Variants in OR4N2 observed in about 807,000 individuals in gnomAD.
OR4N2 encodes olfactory receptor 4N2.
For synonymous variants in OR4N2, 141 were observed against 140.4 expected, an observed-to-expected ratio of 1.00 and a Z score of -0.03; for missense variants, 307 against 377.6, an observed-to-expected ratio of 0.81 and a Z score of 1.55.
At chr14:19,819,742 G>A (rs1263797914) in intron 1 of OR4N2, among the ~76,000 whole-genome samples, 1 of 152,260 alleles carries the variant, frequency 6.6e-6, no homozygotes, top group South Asian at 2.1e-4. Context: ...GCAAGGAGTT[G>A]TGATCCTTTG....
intron 1 of OR4N2, among the ~76,000 whole-genome samples, chr14:19,812,227 T>C (rs1879312828): frequency 6.6e-6 from 1 of 152,054 alleles, no homozygotes; most frequent in South Asian, 2.1e-4. Context: ...GGTATAAAAA[T>C]ATTAGAAGTC....
chr14:19,804,004 A>T (rs1879089961), intron 1 of OR4N2, among the ~76,000 whole-genome samples, 160 bp downstream of exon 1: 1 of 152,174 alleles, frequency 6.6e-6, no homozygotes, highest in African/African-American at 2.4e-5. Flanking sequence ...GTAGTCTCTG[A>T]GGGTTTTTAA....
In OR4N2 at chr14:19,829,909, G is replaced by A. The variant is rs1259118888; in HGVS notation, c.*1537G>A. ...CTTCTCTATTCTCACTCTGTTTATT[G>A]CGTTGCTTCCTGTTTTAGTGAGAAA... On this transcript the variant is annotated 3_prime_UTR_variant, in exon 2 of 2. Transcript: ENST00000557677. 1 of 152,194 alleles carries A rather than the reference G, an allele frequency of 6.6e-6. No homozygotes were observed. Among genetic ancestry groups the A allele is most frequent in the Non-Finnish European group, 1.5e-5 (1 of 68,036 alleles). The allele number at this position is 152,194 out of a possible 1,614,324, so 9.4% of individuals were successfully genotyped here. A position where few individuals can be genotyped will look rare whatever the true frequency, so the allele number is the denominator to read the frequency against.
intron 1 of OR4N2, among the ~76,000 whole-genome samples, chr14:19,812,500 T>G (rs549931364): frequency 1.9e-4 from 28 of 148,288 alleles, no homozygotes; most frequent in African/African-American, 2.6e-4. Context: ...GAGATAATTT[T>G]TTTGTTTGTT....
chr14:19,805,474 C>T (rs1352855874), intron 1 of OR4N2, among the ~76,000 whole-genome samples: 3 of 152,144 alleles, frequency 2.0e-5, no homozygotes, highest in Non-Finnish European at 4.4e-5. Context: ...GCAAAATAGA[C>T]CAAGCTAAGG....
intron 1 of OR4N2, among the ~76,000 whole-genome samples, chr14:19,805,208 A>G (rs1411294101): frequency 6.6e-6 from 1 of 151,956 alleles, no homozygotes; most frequent in Non-Finnish European, 1.5e-5. Flanking sequence ...AGGTCATTCA[A>G]GGTTAGATTG....
chr14:19,817,979 T>G lies in OR4N2; in HGVS notation c.-9-9461T>G, dbSNP rs566133823. ...TCATTCAGGAGCAGGTTGTTCAGTT[T>G]CCATGTGTTGTGCGATTTTGAGTGA... On this transcript the variant is annotated intron_variant, in intron 1 of 1. Coordinates refer to ENST00000557677, the MANE Select transcript of OR4N2 (RefSeq NM_001004723.3). Among the ~76,000 whole-genome samples the G allele has an allele frequency of 3.0e-4, 45 of 152,378 alleles. 1 individual carries two copies. The highest frequency in any genetic ancestry group is 1.0e-3 in the African/African-American group (42 of 41,582).
At chr14:19,821,845 A>T (rs1226065578) in intron 1 of OR4N2, 7 of 152,262 alleles carry the variant, frequency 4.6e-5, no homozygotes, top group Non-Finnish European at 7.3e-5. Context: ...AACTTTCTCC[A>T]TTACAATAGA....
At chr14:19,812,799 A>G (rs1420627653) in intron 1 of OR4N2, among the ~76,000 whole-genome samples, 1 of 152,182 alleles carries the variant, frequency 6.6e-6, no homozygotes, top group Non-Finnish European at 1.5e-5. Context: ...GTCTTCTTTT[A>G]GGAAGTATCT....
At position 19,803,776 on chromosome 14, in the gene OR4N2, G is replaced by A. The variant is rs148800423; in HGVS notation, c.-78G>A. 6.6e-6 allele frequency: 1 copy of A among 152,204 alleles called. No homozygotes were observed. Among genetic ancestry groups the A allele is most frequent in the African/African-American group, 2.4e-5 (1 of 41,436 alleles). The allele number at this position is 152,204 out of a possible 1,614,324, so 9.4% of individuals were successfully genotyped here. A position where few individuals can be genotyped will look rare whatever the true frequency, so the allele number is the denominator to read the frequency against. On this transcript the variant is annotated 5_prime_UTR_variant, in exon 1 of 2. Coordinates refer to ENST00000557677, the MANE Select transcript of OR4N2 (RefSeq NM_001004723.3). ...ATTTTCAGAATAGTTTCAGAGGAAAGGTACTAGCTCTTCTTTATGCATCTG... is the reference window on the plus strand; with the variant it reads ...ATTTTCAGAATAGTTTCAGAGGAAAAGTACTAGCTCTTCTTTATGCATCTG...
intron 1 of OR4N2, among the ~76,000 whole-genome samples, chr14:19,816,688 C>A (rs182460757): frequency 2.0e-5 from 3 of 152,368 alleles, no homozygotes; most frequent in Admixed American, 6.5e-5. Flanking sequence ...CGCTTTATTT[C>A]TTTCTCTTCC....
At chr14:19,814,946 T>C (rs1027795213) in intron 1 of OR4N2, among the ~76,000 whole-genome samples, 2 of 152,248 alleles carry the variant, frequency 1.3e-5, no homozygotes, top group African/African-American at 2.4e-5. Flanking sequence ...CCTGTGTTAG[T>C]TTGCTGAGAA....
intron 1 of OR4N2, among the ~76,000 whole-genome samples, chr14:19,820,782 A>G (rs552321562): frequency 1.5e-3 from 235 of 152,352 alleles, no homozygotes; most frequent in African/African-American, 5.4e-3. Flanking sequence ...CCCTACCCCA[A>G]CCAAGCTCGA....
chr14:19,822,126 G>A (rs1879582171), intron 1 of OR4N2: 1 of 152,274 alleles, frequency 6.6e-6, no homozygotes, highest in Admixed American at 6.5e-5. Context: ...AATAGCCACA[G>A]GCTAAGGTCT....
intron 1 of OR4N2, chr14:19,821,936 G>A (rs867375631): frequency 2.0e-5 from 3 of 152,288 alleles, no homozygotes; most frequent in East Asian, 1.9e-4. Flanking sequence ...TACTAGGAGA[G>A]GGAGGATGCC....
At chr14:19,815,672 T>A (rs1404679004) in intron 1 of OR4N2, among the ~76,000 whole-genome samples, 1 of 151,842 alleles carries the variant, frequency 6.6e-6, no homozygotes, top group Non-Finnish European at 1.5e-5. Context: ...TTTTTTTTGT[T>A]TTTTTTCTGT....
intron 1 of OR4N2, among the ~76,000 whole-genome samples, chr14:19,826,836 T>C (rs1289464954): frequency 6.6e-6 from 1 of 152,246 alleles, no homozygotes; most frequent in Non-Finnish European, 1.5e-5. Flanking sequence ...GAGCTATAGC[T>C]TGGGATTCTC....
At chr14:19,816,195 T>C (rs1244433648) in intron 1 of OR4N2, among the ~76,000 whole-genome samples, 1 of 152,188 alleles carries the variant, frequency 6.6e-6, no homozygotes, top group African/African-American at 2.4e-5. Flanking sequence ...CTTTTTTTGT[T>C]CCATATGAAA....
intron 1 of OR4N2, among the ~76,000 whole-genome samples, chr14:19,809,989 A>G (rs1879256686): frequency 6.6e-6 from 1 of 152,264 alleles, no homozygotes; most frequent in African/African-American, 2.4e-5. Flanking sequence ...AAAAAAACAG[A>G]AATTGACAAA....
Sources: gnomAD v4.1 joint callset for allele counts (sites outside exome capture counted in the v4.1 genomes callset) on GRCh38, gnomAD v4.1.1 for gene constraint, MANE v1.5 for transcripts, NCBI Gene and HGNC (gene_info 2026-07-23, HGNC 2026-07-21) for gene names.